CHCHD6: variants seen among roughly 807,000 people sequenced by gnomAD.
CHCHD6 encodes the protein coiled-coil-helix-coiled-coil-helix domain containing 6.
A neutral mutation model predicts 32.3 loss-of-function variants in CHCHD6; 28 were observed. The ratio of observed to expected loss-of-function variants is 0.87; its 90% CI spans 0.64 to 1.19. The LOEUF (loss-of-function observed/expected upper bound fraction) is 1.19, where lower values mean the gene tolerates loss of function less well. Ranked by LOEUF, CHCHD6 falls within the 50% of genes most tolerant of loss-of-function variation. The pLI is 0.00. For missense variants in CHCHD6, 333 were observed against 307.0 expected (o/e 1.08, Z -0.63); for synonymous variants, 122 against 117.5 (o/e 1.04, Z -0.25).
At chr3:126,855,792 T>C (rs1378654642) in intron 5 of CHCHD6, among the ~76,000 whole-genome samples, 1 of 152,146 alleles carries the variant, frequency 6.6e-6, no homozygotes, top group Non-Finnish European at 1.5e-5. Context: ...GATGGCACCA[T>C]GTTTGAGAGC....
At chr3:126,719,126 G>T (rs994372984) in intron 1 of CHCHD6, among the ~76,000 whole-genome samples, 2 of 152,142 alleles carry the variant, frequency 1.3e-5, no homozygotes, top group African/African-American at 4.8e-5. Context: ...GTTGGCCAGG[G>T]CTCATACGGT....
intron 4 of CHCHD6, among the ~76,000 whole-genome samples, chr3:126,746,802 G>A (rs1936521945): frequency 6.6e-6 from 1 of 152,224 alleles, no homozygotes; most frequent in African/African-American, 2.4e-5. Context: ...CCTGGCATGT[G>A]GCAGGTTTTC....
At chr3:126,759,165 A>G (rs1422762844) in intron 4 of CHCHD6, among the ~76,000 whole-genome samples, 1 of 152,182 alleles carries the variant, frequency 6.6e-6, no homozygotes, top group Non-Finnish European at 1.5e-5. Context: ...GGTTAGCCCT[A>G]CTACTCTTCT....
intron 6 of CHCHD6, among the ~76,000 whole-genome samples, chr3:126,936,033 T>C (rs1271851500): frequency 6.6e-6 from 1 of 152,230 alleles, no homozygotes; most frequent in African/African-American, 2.4e-5. Context: ...AATGTACATA[T>C]GTACTTGACC....
chr3:126,953,550 G>A (rs1166137772), intron 6 of CHCHD6, among the ~76,000 whole-genome samples: 1 of 152,188 alleles, frequency 6.6e-6, no homozygotes, highest in Admixed American at 6.5e-5. Context: ...CACACTGATG[G>A]CTAGGTTGCT....
intron 2 of CHCHD6, among the ~76,000 whole-genome samples, chr3:126,729,992 G>T (rs1935715808): frequency 6.6e-6 from 1 of 152,120 alleles, no homozygotes; most frequent in Non-Finnish European, 1.5e-5. Context: ...CGAAATTCGT[G>T]ATGATCAAAA....
chr3:126,779,520 A>G (rs1937821140), intron 4 of CHCHD6, among the ~76,000 whole-genome samples: 1 of 137,810 alleles, frequency 7.3e-6, no homozygotes, highest in South Asian at 2.4e-4. Flanking sequence ...CTGGCAACAG[A>G]GCGAGACTCC....
At chr3:126,957,799 A>G (rs1654657806) in intron 7 of CHCHD6, 4 of 576,436 alleles carry the variant, frequency 6.9e-6, no homozygotes, top group Non-Finnish European at 1.2e-5. Context: ...TTGCCCTATT[A>G]GGCTGGGTGG....
At chr3:126,818,377 C>A (rs1372057811) in intron 4 of CHCHD6, among the ~76,000 whole-genome samples, 2 of 152,194 alleles carry the variant, frequency 1.3e-5, no homozygotes, top group African/African-American at 4.8e-5. Flanking sequence ...GTGAGCGTTC[C>A]ACCCAGAAGT....
At chr3:126,773,434 T>C (rs780265842) in intron 4 of CHCHD6, among the ~76,000 whole-genome samples, 22 of 152,152 alleles carry the variant, frequency 1.4e-4, no homozygotes, top group Non-Finnish European at 2.9e-4. Context: ...GGAATGTGGC[T>C]ACAACTGAGC....
chr3:126,815,816 A>G (rs1939872558), intron 4 of CHCHD6, among the ~76,000 whole-genome samples: 1 of 152,180 alleles, frequency 6.6e-6, no homozygotes, highest in Non-Finnish European at 1.5e-5. Flanking sequence ...CTAGCAGTCA[A>G]GGTGCTTAGC....
At chr3:126,786,597 C>G (rs1301967099) in intron 4 of CHCHD6, among the ~76,000 whole-genome samples, 1 of 152,144 alleles carries the variant, frequency 6.6e-6, no homozygotes, top group Non-Finnish European at 1.5e-5. Context: ...AGCATTTTTT[C>G]ATGTGTCTTT....
At chr3:126,706,388 A>T (rs896208320) in intron 1 of CHCHD6, among the ~76,000 whole-genome samples, 4 of 152,202 alleles carry the variant, frequency 2.6e-5, no homozygotes, top group Non-Finnish European at 5.9e-5. Flanking sequence ...ACTTTAATTA[A>T]GATCTTTTCG....
chr3:126,741,768 C>G (rs1222833738), intron 4 of CHCHD6, among the ~76,000 whole-genome samples: 1 of 152,136 alleles, frequency 6.6e-6, no homozygotes, highest in Non-Finnish European at 1.5e-5. Context: ...GGACCAATGC[C>G]GGGAGCCATT....
At chr3:126,744,030 G>C (rs559113592) in intron 4 of CHCHD6, among the ~76,000 whole-genome samples, 3 of 152,126 alleles carry the variant, frequency 2.0e-5, no homozygotes, top group African/African-American at 7.2e-5. Flanking sequence ...CTCTTCCTTC[G>C]GGTCAGTGCC....
chr3:126,879,388 T>G (rs1215046418), intron 5 of CHCHD6, among the ~76,000 whole-genome samples: 1 of 152,234 alleles, frequency 6.6e-6, no homozygotes, highest in Non-Finnish European at 1.5e-5. Flanking sequence ...CATCTTAATT[T>G]CCTATTACCA....
At chr3:126,847,586 C>T (rs1296875022) in intron 4 of CHCHD6, among the ~76,000 whole-genome samples, 3 of 152,166 alleles carry the variant, frequency 2.0e-5, no homozygotes, top group African/African-American at 7.2e-5. Context: ...AGCCTACACT[C>T]AAGAGGAGAT....
chr3:126,887,805 C>T (rs1265708469), intron 5 of CHCHD6, among the ~76,000 whole-genome samples: 7 of 152,228 alleles, frequency 4.6e-5, no homozygotes, highest in Non-Finnish European at 4.4e-5. Flanking sequence ...CAATGGTTCC[C>T]ACCCAGCTGG....
chr3:126,922,713 GTGTA>G (rs929467984), intron 6 of CHCHD6, among the ~76,000 whole-genome samples: 2 of 152,070 alleles, frequency 1.3e-5, no homozygotes, highest in Non-Finnish European at 2.9e-5. Flanking sequence ...CCGTGTGTAT[GTGTA>G]TGTGTGTGTG....
Sources: gnomAD v4.1 joint callset for allele counts (sites outside exome capture counted in the v4.1 genomes callset) on GRCh38, gnomAD v4.1.1 for gene constraint, MANE v1.5 for transcripts, NCBI Gene and HGNC (gene_info 2026-07-23, HGNC 2026-07-21) for gene names.